The following PROM1 variants were observed in gnomAD, a reference collection of about 807,000 sequenced individuals.
The protein encoded by PROM1 is prominin 1.
A neutral mutation model predicts 116.9 loss-of-function variants in PROM1; 105 were observed. The observed-to-expected ratio is 0.90, with a 90% CI of 0.77 to 1.06. The LOEUF is 1.06. Among genes scored for constraint, PROM1 ranks in the 50% least tolerant of loss-of-function variants. PROM1 has a pLI of 0.00. For synonymous variants in PROM1, 393 were observed against 387.0 expected, an observed-to-expected ratio of 1.02 and a Z score of -0.18; for missense variants, 1,122 against 1,045.2, an observed-to-expected ratio of 1.07 and a Z score of -1.01.
chr4:15,983,591 G>A (rs1718527939), intron 23 of PROM1, among the ~76,000 whole-genome samples: 1 of 152,170 alleles, frequency 6.6e-6, no homozygotes, highest in Non-Finnish European at 1.5e-5. Context: ...TGGGCCCTAA[G>A]GTGGGGAAAT....
intron 2 of PROM1, among the ~76,000 whole-genome samples, chr4:16,054,748 T>A (rs1488349607): frequency 2.0e-5 from 3 of 152,004 alleles, no homozygotes; most frequent in Non-Finnish European, 4.4e-5. Flanking sequence ...TCCAGCCAGA[T>A]CCCCGACCTC....
chr4:16,079,256 C>G (rs888188970), intron 1 of PROM1: 1 of 152,178 alleles, frequency 6.6e-6, no homozygotes, highest in East Asian at 1.9e-4. Context: ...AACAGGCTCT[C>G]CAACTCCCTC....
chr4:16,054,755 C>T (rs770884125), intron 2 of PROM1, among the ~76,000 whole-genome samples: 6 of 152,128 alleles, frequency 3.9e-5, no homozygotes, highest in Non-Finnish European at 8.8e-5. Flanking sequence ...AGATCCCCGA[C>T]CTCCCAAAGC....
In PROM1 at chr4:15,969,513, T is replaced by C. The variant is rs563299078; in HGVS notation, c.*25-145A>G. On this transcript the variant is annotated intron_variant, in intron 27 of 27. Coordinates refer to ENST00000447510, the MANE Select transcript of PROM1 (RefSeq NM_006017.3). Reference sequence around the variant, plus strand: ...CTCGTTCAAGAGGCACAGCAATATGTTTGTTGCAAAGCAATCTGTTAAAAT... The same window carrying C: ...CTCGTTCAAGAGGCACAGCAATATGCTTGTTGCAAAGCAATCTGTTAAAAT... 3.9e-5 allele frequency: 6 copies of C among 152,328 alleles called. No individual in the cohort carries two copies. The South Asian group carries it at 1.2e-3, about 32-fold the overall frequency. The allele number at this position is 152,328 out of a possible 1,614,324, so 9.4% of individuals were successfully genotyped here. A position where few individuals can be genotyped will look rare whatever the true frequency, so the allele number is the denominator to read the frequency against.
At chr4:16,013,901 A>C (rs1205583149) in intron 10 of PROM1, among the ~76,000 whole-genome samples, 1 of 151,830 alleles carries the variant, frequency 6.6e-6, no homozygotes, top group Non-Finnish European at 1.5e-5. Context: ...TAAAAACAGA[A>C]TCTTACTTTC....
At chr4:15,992,490 T>C in intron 16 of PROM1, 99 bp from the exon 17 acceptor site, 1 of 1,313,594 alleles carries the variant, frequency 7.6e-7, no homozygotes, top group Non-Finnish European at 1.0e-6. Context: ...TGGTGGCTCA[T>C]GCCTGCAATC....
intron 18 of PROM1, among the ~76,000 whole-genome samples, chr4:15,990,629 A>G (rs1720737196): frequency 6.6e-6 from 1 of 152,170 alleles, no homozygotes; most frequent in Non-Finnish European, 1.5e-5. Context: ...CTCAGAGCAG[A>G]GGGTGGAAGG....
At chr4:16,050,510 C>T (rs1252993233) in intron 2 of PROM1, among the ~76,000 whole-genome samples, 1 of 152,180 alleles carries the variant, frequency 6.6e-6, no homozygotes. Flanking sequence ...TGTGCCACCA[C>T]ATCCAGCTAA....
intron 1 of PROM1, chr4:16,083,638 C>G (rs1745465213): frequency 6.5e-6 from 1 of 153,324 alleles, no homozygotes; most frequent in Admixed American, 6.5e-5. Flanking sequence ...GCCTCTCTCG[C>G]TCCGGGATGA....
chr4:16,029,312 C>T lies in PROM1; in HGVS notation c.509+3992G>A, dbSNP rs139733192. Among the ~76,000 whole-genome samples the T allele has an allele frequency of 1.4e-3, 219 of 151,876 alleles. 2 individuals carry two copies. The highest frequency in any genetic ancestry group is 4.9e-3 in the African/African-American group (204 of 41,432). On this transcript the variant is annotated intron_variant, in intron 5 of 27. Coordinates refer to ENST00000447510, the MANE Select transcript of PROM1 (RefSeq NM_006017.3). ...CCATGGGAATTATTAGCAAGACTGG[C>T]TTATCATACTCAGAAACTTAGAAAC...
At chr4:15,985,520 G>A (rs117040393) in intron 22 of PROM1, 7 of 476,202 alleles carry the variant, frequency 1.5e-5, no homozygotes, top group Non-Finnish European at 2.2e-5. Flanking sequence ...CCTGAAAAAG[G>A]GGGTGGGAAG....
intron 24 of PROM1, 124 bp downstream of exon 24, chr4:15,980,298 A>T: frequency 1.5e-6 from 1 of 670,734 alleles, no homozygotes; most frequent in Admixed American, 3.0e-5. Flanking sequence ...TGACCCAACT[A>T]CTACTAAAAA....
intron 26 of PROM1, among the ~76,000 whole-genome samples, chr4:15,977,831 C>G (rs1716587022): frequency 6.6e-6 from 1 of 152,208 alleles, no homozygotes; most frequent in Non-Finnish European, 1.5e-5. Flanking sequence ...ATCTCCTGAC[C>G]TCGTGATCCA....
chr4:15,989,854 T>C, intron 18 of PROM1, 30 bp from the exon 19 acceptor site: 1 of 1,516,670 alleles, frequency 6.6e-7, no homozygotes, highest in East Asian at 2.3e-5. Flanking sequence ...CAAAGATCAA[T>C]ACCATCTTTC....
At position 15,992,405 on chromosome 4, in the gene PROM1, A is replaced by C. The variant is rs1321575702; in HGVS notation, c.1768-14T>G. ...GCTTCCAGTATGCTGCGAAAAAAGG[A>C]AGTTACAAATCAGTCCCTTATTCTC... On this transcript the variant is annotated splice_polypyrimidine_tract_variant and intron_variant, in intron 16 of 27. Transcript: ENST00000447510. 6.2e-7 allele frequency: 1 copy of C among 1,611,240 alleles called. No homozygotes were observed. The highest frequency in any genetic ancestry group is 8.5e-7 in the Non-Finnish European group (1 of 1,178,406).
chr4:16,003,315 G>C, intron 13 of PROM1: 1 of 456,636 alleles, frequency 2.2e-6, no homozygotes, highest in Non-Finnish European at 4.4e-6. Flanking sequence ...CCCTCTTCAT[G>C]ATGATTTCTT....
rs1560422293 is a variant in PROM1 at position 15,991,307 on chromosome 4, G to T, written c.1912-14C>A. On this transcript the variant is annotated splice_polypyrimidine_tract_variant and intron_variant, in intron 17 of 27. Coordinates refer to ENST00000447510, the MANE Select transcript of PROM1 (RefSeq NM_006017.3). ...GGATTTACCAGTCTACAATAGAAGT[G>T]AAAAAAATTGTCTTATGGATATGGG... 3 of 1,565,678 alleles carry T rather than the reference G, an allele frequency of 1.9e-6. No individual in the cohort carries two copies. The highest frequency in any genetic ancestry group is 8.6e-7 in the Non-Finnish European group (1 of 1,157,962).
rs1239900722 is a variant in PROM1 at position 16,018,360 on chromosome 4, G to C, written c.965C>G (p.Ser322Cys). 6.2e-7 allele frequency: 1 copy of C among 1,613,522 alleles called. No homozygotes were observed. The highest frequency in any genetic ancestry group is 1.3e-5 in the African/African-American group (1 of 74,916). ...AGGGTTGCTATTCAGCTGGCTTAGA[G>C]ACAATCTGATGCTGTTGCAGGTTTC... The part of the protein sequence containing the change: ...SSETCNSIRL[S>C]LSQLNSNPEL... The change falls in exon 9 of 28, where the codon TCT (serine) becomes TGT (cysteine). Residue 322 changes from serine to cysteine, a missense_variant. Transcript: ENST00000447510.
chr4:15,987,685 T>C lies in PROM1; in HGVS notation c.2108A>G (p.Gln703Arg). 1 of 1,611,718 alleles carries C rather than the reference T, an allele frequency of 6.2e-7. No homozygotes were observed. The change falls in exon 20 of 28, where the codon CAA (glutamine) becomes CGA (arginine). Residue 703 changes from glutamine (Q) to arginine (R), a missense_variant. Gln to Arg is a conservative substitution (Grantham distance 43, BLOSUM62 1). Transcript: ENST00000447510. ...STLYQSVKILQRTGNGLLERV... is the reference protein window; with the variant it reads ...STLYQSVKILRRTGNGLLERV... ...TACCAACAATCCATTCCCTGTGCGT[T>C]GAAGTATCTTGACGCTTTGGTATAG...
Sources: allele counts gnomAD v4.1 joint callset (sites outside exome capture counted in the v4.1 genomes callset), GRCh38; gene constraint gnomAD v4.1.1; transcripts MANE v1.5; gene names NCBI Gene and HGNC (gene_info 2026-07-23, HGNC 2026-07-21).